Variants in ZNF385D observed in about 807,000 individuals in gnomAD.
ZNF385D encodes zinc finger protein 659.
In ZNF385D, 15 loss-of-function variants were observed where a neutral mutation model predicts 35.8. The observed-to-expected ratio is 0.42, with a 90% confidence interval of 0.28 to 0.64. The LOEUF (loss-of-function observed/expected upper bound fraction) is 0.64, where lower values mean the gene tolerates loss of function less well. Ranked by LOEUF, ZNF385D falls within the 30% of genes least tolerant of loss-of-function variation. ZNF385D has a pLI of 0.23. For missense variants in ZNF385D, 474 were observed against 494.6 expected, an observed-to-expected ratio of 0.96 and a Z score of 0.39; for synonymous variants, 212 against 186.8, an observed-to-expected ratio of 1.13 and a Z score of -1.10.
chr3:21,883,214 T>C (rs1237910380), intron 3 of ZNF385D, among the ~76,000 whole-genome samples: 4 of 151,938 alleles, frequency 2.6e-5, no homozygotes, highest in Non-Finnish European at 5.9e-5. Flanking sequence ...ATTTTTTTAT[T>C]ATGTGATTAT....
rs555844057 is a variant in ZNF385D at position 21,463,041 on chromosome 3, T to A, written c.440-25838A>T. On this transcript the variant is annotated intron_variant, in intron 4 of 7. Coordinates refer to ENST00000281523, the MANE Select transcript of ZNF385D (RefSeq NM_024697.3). ...CCTAAAGAGGCAATACCAAAAAAAA[T>A]AAAAACTTTAAAATACTGTTTCACA... 1.2e-3 allele frequency among the ~76,000 whole-genome samples: 176 copies of A among 151,994 alleles called. No homozygotes were observed. In the South Asian group the frequency reaches 0.02, roughly 17 times the overall value.
At chr3:21,941,238 A>G (rs1252877453) in intron 3 of ZNF385D, among the ~76,000 whole-genome samples, 1 of 152,152 alleles carries the variant, frequency 6.6e-6, no homozygotes, top group African/African-American at 2.4e-5. Flanking sequence ...TATGGAATTT[A>G]TATGTTACTA....
intron 2 of ZNF385D, among the ~76,000 whole-genome samples, chr3:22,193,402 A>T (rs918356186): frequency 8.5e-6 from 1 of 117,386 alleles, no homozygotes; most frequent in Admixed American, 8.1e-5. Flanking sequence ...TTAAAATCCT[A>T]ACCTATTTAC....
intron 4 of ZNF385D, among the ~76,000 whole-genome samples, chr3:21,505,460 C>T (rs1256675921): frequency 1.3e-5 from 2 of 152,160 alleles, no homozygotes; most frequent in Non-Finnish European, 2.9e-5. Flanking sequence ...CACCCCTACA[C>T]GTAGAGAGTA....
At chr3:22,149,530 T>A (rs1460474951) in intron 3 of ZNF385D, among the ~76,000 whole-genome samples, 1 of 152,140 alleles carries the variant, frequency 6.6e-6, no homozygotes, top group East Asian at 1.9e-4. Flanking sequence ...ACAATATATT[T>A]GGGGTAGGCC....
At chr3:22,073,993 T>C (rs142173762) in intron 3 of ZNF385D, among the ~76,000 whole-genome samples, 160 of 152,096 alleles carry the variant, frequency 1.1e-3, no homozygotes, top group African/African-American at 3.6e-3. Flanking sequence ...TATACTAAAG[T>C]ACATTGTCTT....
At chr3:21,992,309 G>T (rs1485951478) in intron 3 of ZNF385D, among the ~76,000 whole-genome samples, 4 of 151,922 alleles carry the variant, frequency 2.6e-5, no homozygotes, top group African/African-American at 9.7e-5. Context: ...TATTTGTTCT[G>T]CAGGCAAAAC....
At chr3:22,255,418 C>T (rs138114343) in intron 2 of ZNF385D, among the ~76,000 whole-genome samples, 38 of 151,846 alleles carry the variant, frequency 2.5e-4, no homozygotes, top group South Asian at 8.3e-4. Flanking sequence ...AACTTACTTA[C>T]ACACACTTAA....
intron 3 of ZNF385D, among the ~76,000 whole-genome samples, chr3:21,779,187 C>T (rs1013586038): frequency 1.5e-4 from 23 of 151,906 alleles, no homozygotes; most frequent in African/African-American, 5.3e-4. Context: ...CCACAGACAT[C>T]AGTGTCATTA....
intron 2 of ZNF385D, among the ~76,000 whole-genome samples, chr3:22,359,621 A>C (rs1451965504): frequency 2.0e-5 from 3 of 151,902 alleles, no homozygotes; most frequent in African/African-American, 7.2e-5. Context: ...AATGTACAGA[A>C]ATAGTTAAAC....
chr3:22,198,742 A>G (rs1237087761), intron 2 of ZNF385D, among the ~76,000 whole-genome samples: 3 of 152,120 alleles, frequency 2.0e-5, no homozygotes, highest in Admixed American at 1.3e-4. Context: ...CACATTCACT[A>G]TAAAATTAAA....
intron 3 of ZNF385D, among the ~76,000 whole-genome samples, chr3:22,040,734 T>C (rs999169663): frequency 6.6e-6 from 1 of 152,136 alleles, no homozygotes; most frequent in Non-Finnish European, 1.5e-5. Flanking sequence ...CTTATTCAAT[T>C]TGCTGATGCT....
At chr3:22,310,888 A>G (rs1703502155) in intron 2 of ZNF385D, among the ~76,000 whole-genome samples, 1 of 151,760 alleles carries the variant, frequency 6.6e-6, no homozygotes, top group South Asian at 2.1e-4. Context: ...TAAAGATTTT[A>G]TTTCTACTAT....
intron 3 of ZNF385D, among the ~76,000 whole-genome samples, chr3:21,916,594 G>T (rs1425853273): frequency 6.6e-6 from 1 of 152,082 alleles, no homozygotes; most frequent in African/African-American, 2.4e-5. Context: ...AATTTTTCTA[G>T]TATAGCCTAT....
At chr3:22,246,126 C>A (rs760559133) in intron 2 of ZNF385D, among the ~76,000 whole-genome samples, 7 of 152,140 alleles carry the variant, frequency 4.6e-5, no homozygotes, top group Non-Finnish European at 7.4e-5. Flanking sequence ...GATTTAAATG[C>A]AAACTTTTAT....
intron 3 of ZNF385D, among the ~76,000 whole-genome samples, chr3:21,924,142 A>G (rs955679955): frequency 6.6e-6 from 1 of 152,202 alleles, no homozygotes; most frequent in Non-Finnish European, 1.5e-5. Flanking sequence ...AAAAGTAAGT[A>G]GTAACTTCTG....
chr3:21,926,469 CTT>C (rs148928868), intron 3 of ZNF385D, among the ~76,000 whole-genome samples: 2 of 152,070 alleles, frequency 1.3e-5, no homozygotes, highest in African/African-American at 4.8e-5. Context: ...CGAACTCATC[CTT>C]TTTTATGGCT....
At chr3:21,888,300 G>T (rs1459128477) in intron 3 of ZNF385D, among the ~76,000 whole-genome samples, 1 of 151,746 alleles carries the variant, frequency 6.6e-6, no homozygotes. Flanking sequence ...TTTATATTGT[G>T]GTATATTGCA....
chr3:21,437,599 A>G (rs1419552654), intron 4 of ZNF385D, among the ~76,000 whole-genome samples: 1 of 148,838 alleles, frequency 6.7e-6, no homozygotes, highest in Non-Finnish European at 1.5e-5. Flanking sequence ...TGCTTTTAAG[A>G]TACTTTGATT....
Sources: allele counts gnomAD v4.1 joint callset (sites outside exome capture counted in the v4.1 genomes callset), GRCh38; gene constraint gnomAD v4.1.1; transcripts MANE v1.5; gene names NCBI Gene and HGNC (gene_info 2026-07-23, HGNC 2026-07-21).